The following SHQ1 variants were observed in gnomAD, a reference collection of about 807,000 sequenced individuals.
SHQ1 encodes the protein protein SHQ1 homolog.
Under a neutral mutation model 53.8 loss-of-function variants are expected in SHQ1, and 49 were observed. The observed-to-expected ratio is 0.91, with a 90% CI of 0.72 to 1.16. SHQ1 has a LOEUF of 1.16. Ranked by LOEUF, SHQ1 falls within the 50% of genes most tolerant of loss-of-function variation. The pLI is 0.00. For synonymous variants in SHQ1, 243 were observed against 251.0 expected (o/e 0.97, Z 0.30); for missense variants, 738 against 683.1 (o/e 1.08, Z -0.90).
At chr3:72,812,615 G>C in intron 9 of SHQ1, 56 bp downstream of exon 9, 2 of 1,597,566 alleles carry the variant, frequency 1.3e-6, no homozygotes, top group Non-Finnish European at 1.7e-6. Flanking sequence ...TATCTTCACA[G>C]ACTAAAAACT....
At chr3:72,739,310 T>G in the SHQ1 span, among the ~76,000 whole-genome samples, 3 of 147,544 alleles carry the variant, frequency 2.0e-5, no homozygotes, top group Admixed American at 6.7e-5. Context: ...ATCCCCCTCC[T>G]CATCTTCCTT....
At chr3:72,767,090 T>TA (rs1432750742) in intron 10 of SHQ1, among the ~76,000 whole-genome samples, 1 of 152,206 alleles carries the variant, frequency 6.6e-6, no homozygotes, top group African/African-American at 2.4e-5. Context: ...GCGGCATAGG[T>TA]ACACCACAGG....
intron 10 of SHQ1, among the ~76,000 whole-genome samples, chr3:72,774,475 T>C (rs1026535194): frequency 6.6e-6 from 1 of 151,968 alleles, no homozygotes; most frequent in African/African-American, 2.4e-5. Context: ...TAAACAATGA[T>C]ATAATTCTCT....
intron 10 of SHQ1, among the ~76,000 whole-genome samples, chr3:72,771,605 T>C (rs1705852745): frequency 6.6e-6 from 1 of 152,184 alleles, no homozygotes; most frequent in African/African-American, 2.4e-5. Flanking sequence ...TTATTTAAAC[T>C]GGAGGATACT....
chr3:72,793,102 T>A, intron 9 of SHQ1, 66 bp from the exon 10 acceptor site: 1 of 1,402,978 alleles, frequency 7.1e-7, no homozygotes, highest in Non-Finnish European at 9.8e-7. Context: ...TGAGAGGTAA[T>A]ATATCTAAAG....
intron 4 of SHQ1, among the ~76,000 whole-genome samples, chr3:72,835,004 T>C (rs2106935172): frequency 6.6e-6 from 1 of 152,258 alleles, no homozygotes; most frequent in South Asian, 2.1e-4. Flanking sequence ...TACACTCCTT[T>C]CTAGAGGTTC....
chr3:72,766,613 C>G (rs1298852304), intron 10 of SHQ1, among the ~76,000 whole-genome samples: 1 of 152,148 alleles, frequency 6.6e-6, no homozygotes, highest in African/African-American at 2.4e-5. Context: ...TACAACTTAC[C>G]TCTTCTAAGA....
Position 72,848,205 on chromosome 3 carries a change from A to T in SHQ1, c.136T>A (p.Phe46Ile). 1 of 1,614,220 alleles carries T rather than the reference A, an allele frequency of 6.2e-7. No individual in the cohort carries two copies. Among genetic ancestry groups the T allele is most frequent in the Non-Finnish European group, 8.5e-7 (1 of 1,180,038 alleles). Reference protein sequence around the residue: ...SDFKFYAKPYFLRLTLPGRIV... With the variant: ...SDFKFYAKPYILRLTLPGRIV... ...CAGGCACCCCGAACTCGCCTGAGAA[A>T]GTATGGCTTGGCGTAGAACTTGAAG... The change falls in exon 1 of 11, where the codon TTT becomes ATT. Residue 46 changes from phenylalanine (F) to isoleucine (I), a missense_variant. Phe to Ile is a conservative substitution (Grantham distance 21, BLOSUM62 0). Transcript: ENST00000325599.
At chr3:72,753,643 G>C in intron 10 of SHQ1, 1 of 985,356 alleles carries the variant, frequency 1.0e-6, no homozygotes, top group Non-Finnish European at 1.2e-6. Flanking sequence ...AGAACTTCCA[G>C]AGCGCTTAGA....
chr3:72,747,619 G>A (rs1301129187), downstream of SHQ1, among the ~76,000 whole-genome samples: 5 of 152,220 alleles, frequency 3.3e-5, no homozygotes, highest in African/African-American at 1.2e-4. Context: ...CAGAGCTCCA[G>A]AGAGGAGAGA....
At chr3:72,757,626 A>G (rs1438269465) in intron 10 of SHQ1, among the ~76,000 whole-genome samples, 1 of 152,222 alleles carries the variant, frequency 6.6e-6, no homozygotes, top group Non-Finnish European at 1.5e-5. Context: ...CATATACACC[A>G]TGGAATACCA....
intron 10 of SHQ1, among the ~76,000 whole-genome samples, chr3:72,785,309 G>T (rs1196191566): frequency 1.3e-5 from 2 of 152,194 alleles, no homozygotes. Context: ...CCCCAGTTTT[G>T]CTGTAAAAGT....
chr3:72,751,314 G>A (rs575109625), intron 10 of SHQ1, among the ~76,000 whole-genome samples: 132 of 152,120 alleles, frequency 8.7e-4, no homozygotes, highest in African/African-American at 3.1e-3. Context: ...TGGGTGGAGG[G>A]GGGGCTGAGG....
intron 2 of SHQ1, among the ~76,000 whole-genome samples, chr3:72,842,669 A>G (rs2036447): frequency 0.03 from 4,509 of 152,324 alleles, 194 homozygotes; most frequent in African/African-American, 0.089. Flanking sequence ...TTGGTAAAAC[A>G]TAATTCTATT....
rs113103994 is a variant in SHQ1, at chr3:72,833,534, C to CAGATAGATAGAT, written c.487-1065_487-1054dup. On this transcript the variant is annotated intron_variant, in intron 4 of 10. Transcript: ENST00000325599. ...GACAGACAGATAGATGGATGATAGA[C>CAGATAGATAGAT]AGATAGATAGATAGATAGATAGATA... is the stretch of plus-strand genomic sequence containing the variant. Among the ~76,000 whole-genome samples the CAGATAGATAGAT allele has an allele frequency of 3.7e-3, 548 of 149,700 alleles. 1 individual carries two copies. The highest frequency in any genetic ancestry group is 7.3e-3 in the Admixed American group (110 of 15,024).
intron 1 of SHQ1, among the ~76,000 whole-genome samples, chr3:72,846,805 G>A (rs745452013): frequency 6.6e-6 from 1 of 151,910 alleles, no homozygotes; most frequent in Non-Finnish European, 1.5e-5. Flanking sequence ...CACGGCAACG[G>A]GTAAATAATA....
intron 10 of SHQ1, among the ~76,000 whole-genome samples, chr3:72,773,881 CTTTA>C (rs952044812): frequency 6.6e-6 from 1 of 152,168 alleles, no homozygotes; most frequent in Non-Finnish European, 1.5e-5. Context: ...TTCATCACAG[CTTTA>C]CATCATATGT....
chr3:72,727,949 A>T, the SHQ1 span, among the ~76,000 whole-genome samples: 1 of 152,206 alleles, frequency 6.6e-6, no homozygotes, highest in African/African-American at 2.4e-5. Context: ...GAGTGCACTC[A>T]GCCTGCGTGA....
intron 6 of SHQ1, among the ~76,000 whole-genome samples, chr3:72,821,825 T>C (rs1171265872): frequency 5.3e-5 from 8 of 152,244 alleles, no homozygotes; most frequent in Non-Finnish European, 1.2e-4. Flanking sequence ...CCCCATATTT[T>C]ATCCTGGCTC....
Sources: allele counts gnomAD v4.1 joint callset (sites outside exome capture counted in the v4.1 genomes callset), GRCh38; gene constraint gnomAD v4.1.1; transcripts MANE v1.5; gene names NCBI Gene and HGNC (gene_info 2026-07-23, HGNC 2026-07-21).